Variants in ARHGAP8 observed in about 807,000 individuals in gnomAD.
ARHGAP8 encodes rho GTPase-activating protein 8.
Under a neutral mutation model 46.1 loss-of-function variants are expected in ARHGAP8, and 62 were observed. The observed-to-expected ratio is 1.34, with a 90% confidence interval of 1.10 to 1.66. The LOEUF (loss-of-function observed/expected upper bound fraction) is 1.66. ARHGAP8 is among the 40% of genes most tolerant of loss of function. The pLI is 0.00. For synonymous variants in ARHGAP8, 375 were observed against 243.1 expected (o/e 1.54, Z -5.05); for missense variants, 923 against 568.4 (o/e 1.62, Z -6.34).
At chr22:44,768,717 C>G (rs976002486) in intron 1 of ARHGAP8, among the ~76,000 whole-genome samples, 6 of 152,178 alleles carry the variant, frequency 3.9e-5, no homozygotes, top group African/African-American at 1.4e-4. Context: ...GAGTTCCTTA[C>G]AGCCCTGTGT....
At chr22:44,778,213 A>G (rs549095622) in intron 1 of ARHGAP8, among the ~76,000 whole-genome samples, 2 of 151,768 alleles carry the variant, frequency 1.3e-5, no homozygotes, top group South Asian at 4.2e-4. Context: ...CCCAAAGTCC[A>G]TTGTGTTTTT....
intron 7 of ARHGAP8, among the ~76,000 whole-genome samples, chr22:44,840,042 G>A (rs1031021542): frequency 2.0e-5 from 3 of 152,138 alleles, no homozygotes; most frequent in Admixed American, 2.0e-4. Flanking sequence ...ATGTTCCCAC[G>A]GTAGCTGTGC....
intron 6 of ARHGAP8, among the ~76,000 whole-genome samples, chr22:44,824,728 G>A (rs568109925): frequency 6.6e-6 from 1 of 150,738 alleles, no homozygotes; most frequent in African/African-American, 2.4e-5. Context: ...CACCTCCTGG[G>A]TTCAAGTGAT....
At chr22:44,755,598 A>T (rs1924606075) in intron 1 of ARHGAP8, among the ~76,000 whole-genome samples, 1 of 152,160 alleles carries the variant, frequency 6.6e-6, no homozygotes, top group African/African-American at 2.4e-5. Flanking sequence ...GTCCTGCCCC[A>T]GCTGCCTTCA....
chr22:44,840,462 C>G (rs931199303), intron 7 of ARHGAP8, among the ~76,000 whole-genome samples: 7 of 149,694 alleles, frequency 4.7e-5, no homozygotes, highest in Admixed American at 2.7e-4. Flanking sequence ...CTCACTAGAT[C>G]CTCTGCAAGG....
At chr22:44,809,564 G>A (rs780606286) in intron 4 of ARHGAP8, 4 of 218,404 alleles carry the variant, frequency 1.8e-5, no homozygotes, top group South Asian at 6.4e-5. Flanking sequence ...TGACTTACCC[G>A]TGGTCACTCA....
intron 7 of ARHGAP8, among the ~76,000 whole-genome samples, chr22:44,841,273 G>A (rs1039087849): frequency 2.0e-5 from 3 of 152,124 alleles, no homozygotes; most frequent in East Asian, 1.9e-4. Flanking sequence ...CTGTGCGAGC[G>A]TGATTTGCCG....
In ARHGAP8 at chr22:44,847,698, C is replaced by T. The variant is rs1019207887; in HGVS notation, c.671-275C>T. ...ACAAGGCAGATAGGCTCAGAGAGGC[C>T]GAGAGCTTTCTCTGAGGTCACACAG... On this transcript the variant is annotated intron_variant, in intron 8 of 11. Coordinates refer to ENST00000356099, the MANE Select transcript of ARHGAP8 (RefSeq NM_181335.3). Among the ~76,000 whole-genome samples, 6 of 152,098 alleles carry T rather than the reference C, an allele frequency of 3.9e-5. 1 individual carries two copies. Among genetic ancestry groups the T allele is most frequent in the African/African-American group, 1.2e-4 (5 of 41,428 alleles).
At chr22:44,845,986 C>T (rs770827757) in intron 8 of ARHGAP8, among the ~76,000 whole-genome samples, 14 of 150,568 alleles carry the variant, frequency 9.3e-5, no homozygotes, top group Non-Finnish European at 1.6e-4. Flanking sequence ...AGCGCAGATG[C>T]GTGGGTGTCA....
At chr22:44,771,002 A>C (rs988860961) in intron 1 of ARHGAP8, among the ~76,000 whole-genome samples, 3 of 152,360 alleles carry the variant, frequency 2.0e-5, no homozygotes, top group South Asian at 4.1e-4. Context: ...GGTCAGATCA[A>C]ATCTCTTTCA....
intron 7 of ARHGAP8, among the ~76,000 whole-genome samples, chr22:44,828,794 C>T (rs909164688): frequency 2.0e-5 from 3 of 152,050 alleles, no homozygotes; most frequent in African/African-American, 7.2e-5. Flanking sequence ...CCCCACGTTC[C>T]TGAAGCCCTG....
chr22:44,798,030 G>C (rs773635148), intron 2 of ARHGAP8, among the ~76,000 whole-genome samples: 1 of 145,068 alleles, frequency 6.9e-6, no homozygotes, highest in Non-Finnish European at 1.5e-5. Flanking sequence ...AGGCTAGAGT[G>C]CATTGGTGTG....
intron 1 of ARHGAP8, among the ~76,000 whole-genome samples, chr22:44,783,739 C>T (rs1602169127): frequency 6.6e-6 from 1 of 152,202 alleles, no homozygotes; most frequent in South Asian, 2.1e-4. Flanking sequence ...AAAGGTGTTT[C>T]CTGGGCTGAG....
chr22:44,772,007 T>G (rs1002818573), intron 1 of ARHGAP8, among the ~76,000 whole-genome samples: 1 of 152,176 alleles, frequency 6.6e-6, no homozygotes, highest in African/African-American at 2.4e-5. Flanking sequence ...CTTTCAGTCT[T>G]TCACTGTTCT....
intron 5 of ARHGAP8, 79 bp from the exon 6 acceptor site, chr22:44,822,292 C>G: frequency 9.8e-5 from 116 of 1,185,750 alleles, no homozygotes; most frequent in Middle Eastern, 3.9e-4. Flanking sequence ...CTGCCGCCAA[C>G]TCCCCCTCCC....
At chr22:44,813,103 A>G (rs1929453141) in intron 4 of ARHGAP8, among the ~76,000 whole-genome samples, 1 of 152,124 alleles carries the variant, frequency 6.6e-6, no homozygotes, top group Non-Finnish European at 1.5e-5. Flanking sequence ...CAAGGAGCAC[A>G]GTCGCCCTGG....
At chr22:44,856,776 G>A (rs1035685583) in intron 10 of ARHGAP8, among the ~76,000 whole-genome samples, 1 of 143,540 alleles carries the variant, frequency 7.0e-6, no homozygotes, top group East Asian at 2.0e-4. Flanking sequence ...GAAGATCACC[G>A]AGGACTCCTC....
At chr22:44,854,856 G>C (rs1825621412) in intron 10 of ARHGAP8, among the ~76,000 whole-genome samples, 1 of 152,150 alleles carries the variant, frequency 6.6e-6, no homozygotes, top group African/African-American at 2.4e-5. Flanking sequence ...ATGTTGGCCA[G>C]GCTTGTCTTG....
At position 44,827,043 on chromosome 22, in the gene ARHGAP8, T is replaced by TA. The variant is rs549358425; in HGVS notation, c.596+1453dup. Among the ~76,000 whole-genome samples, 65 of 152,082 alleles carry TA rather than the reference T, an allele frequency of 4.3e-4. 2 individuals are homozygous for TA. The East Asian group carries it at 0.011, about 27-fold the overall frequency. On this transcript the variant is annotated intron_variant, in intron 7 of 11. Transcript: ENST00000356099. ...AAGGGGCTTGGCAGAAATGATTAAG[T>TA]AAAGGATCTTGGGATGGGAGGTTAT...
Sources: gnomAD v4.1 joint callset for allele counts (sites outside exome capture counted in the v4.1 genomes callset) on GRCh38, gnomAD v4.1.1 for gene constraint, MANE v1.5 for transcripts, NCBI Gene and HGNC (gene_info 2026-07-23, HGNC 2026-07-21) for gene names.